Variants in DPYSL3 observed in about 807,000 individuals in gnomAD.
DPYSL3 encodes dihydropyrimidinase-related protein 3.
In DPYSL3, 16 loss-of-function variants were observed where a neutral mutation model predicts 66.1. That is an observed-to-expected ratio of 0.24 (90% CI 0.16 to 0.37). The LOEUF (loss-of-function observed/expected upper bound fraction) is 0.37, where lower values mean the gene tolerates loss of function less well. Ranked by LOEUF, DPYSL3 falls within the 10% of genes least tolerant of loss-of-function variation. The probability of loss-of-function intolerance (pLI) is 1.00; values close to 1 mark genes in which losing one functional copy is unlikely to be tolerated. For synonymous variants in DPYSL3, 338 were observed against 345.1 expected, an observed-to-expected ratio of 0.98 and a Z score of 0.23; for missense variants, 738 against 916.2, an observed-to-expected ratio of 0.81 and a Z score of 2.51.
chr5:147,491,701 C>G (rs1455301025), intron 1 of DPYSL3, among the ~76,000 whole-genome samples: 1 of 151,566 alleles, frequency 6.6e-6, no homozygotes, highest in Non-Finnish European at 1.5e-5. Flanking sequence ...AAAATAATGT[C>G]TGAGCTTGAG....
intron 1 of DPYSL3, among the ~76,000 whole-genome samples, chr5:147,447,225 A>T (rs1198888681): frequency 6.6e-6 from 1 of 152,186 alleles, no homozygotes; most frequent in Non-Finnish European, 1.5e-5. Context: ...CTACAATCTA[A>T]TTAACAGAAG....
intron 8 of DPYSL3, among the ~76,000 whole-genome samples, chr5:147,404,263 G>A (rs1312262712): frequency 2.0e-5 from 3 of 152,170 alleles, no homozygotes; most frequent in Admixed American, 6.5e-5. Context: ...GCAGGCCTAC[G>A]AAGAACAGAG....
In DPYSL3 at chr5:147,486,253, G is replaced by A. The variant is rs561972146; in HGVS notation, c.381+23225C>T. Among the ~76,000 whole-genome samples the A allele has an allele frequency of 1.2e-4, 18 of 152,264 alleles. 1 individual carries two copies. The South Asian group carries it at 2.9e-3, about 25-fold the overall frequency. On this transcript the variant is annotated intron_variant, in intron 1 of 13. Coordinates refer to ENST00000343218, the MANE Select transcript of DPYSL3 (RefSeq NM_001197294.2). ...ATTGTTGTGATAATAGTAAAATATT[G>A]TAAAGGTACTTTATACTTCTGAATT... is the stretch of plus-strand genomic sequence containing the variant.
chr5:147,496,303 A>G (rs999579426), intron 1 of DPYSL3, among the ~76,000 whole-genome samples: 10 of 152,360 alleles, frequency 6.6e-5, no homozygotes, highest in African/African-American at 2.4e-4. Context: ...GCCCTAGAAG[A>G]AAACCTACAC....
At chr5:147,482,321 T>C (rs1012385239) in intron 1 of DPYSL3, among the ~76,000 whole-genome samples, 1 of 152,164 alleles carries the variant, frequency 6.6e-6, no homozygotes, top group Non-Finnish European at 1.5e-5. Flanking sequence ...AGAAGTAAAA[T>C]GATTTGCTCA....
chr5:147,442,772 G>C (rs534370700), intron 1 of DPYSL3, among the ~76,000 whole-genome samples: 2 of 151,514 alleles, frequency 1.3e-5, no homozygotes, highest in East Asian at 3.9e-4. Context: ...GTAATATATT[G>C]TGCAATGAAA....
At chr5:147,467,297 A>C (rs1403900711) in intron 1 of DPYSL3, among the ~76,000 whole-genome samples, 2 of 152,228 alleles carry the variant, frequency 1.3e-5, no homozygotes, top group African/African-American at 2.4e-5. Flanking sequence ...ATGCTGACAC[A>C]AAAAAGGGGA....
intron 12 of DPYSL3, 24 bp downstream of exon 12, chr5:147,397,642 C>T: frequency 6.2e-7 from 1 of 1,606,356 alleles, no homozygotes; most frequent in East Asian, 2.2e-5. Flanking sequence ...TCCTGCACCA[C>T]CTCAGAGCTC....
chr5:147,458,957 A>C (rs1581205556), intron 1 of DPYSL3, among the ~76,000 whole-genome samples: 1 of 150,102 alleles, frequency 6.7e-6, no homozygotes, highest in Admixed American at 6.6e-5. Context: ...AATGGCAGCT[A>C]CTCCTAACAC....
At chr5:147,411,233 T>A (rs933427737) in intron 6 of DPYSL3, among the ~76,000 whole-genome samples, 1 of 152,190 alleles carries the variant, frequency 6.6e-6, no homozygotes, top group Non-Finnish European at 1.5e-5. Flanking sequence ...TGGGCGAAAG[T>A]GCTGTCAGGG....
intron 4 of DPYSL3, among the ~76,000 whole-genome samples, chr5:147,413,985 C>T (rs1751911993): frequency 6.6e-6 from 1 of 152,196 alleles, no homozygotes; most frequent in South Asian, 2.1e-4. Flanking sequence ...TTAAGAATCA[C>T]TCTAGCACAC....
intron 1 of DPYSL3, among the ~76,000 whole-genome samples, chr5:147,458,139 G>A (rs1291669800): frequency 6.6e-6 from 1 of 152,190 alleles, no homozygotes; most frequent in African/African-American, 2.4e-5. Context: ...GCCGAGACCT[G>A]AGACCTACTG....
chr5:147,432,417 G>T (rs1752331648), intron 1 of DPYSL3, among the ~76,000 whole-genome samples: 1 of 152,114 alleles, frequency 6.6e-6, no homozygotes, highest in Non-Finnish European at 1.5e-5. Flanking sequence ...AGAACTTCAT[G>T]TTAACCATTT....
intron 1 of DPYSL3, among the ~76,000 whole-genome samples, chr5:147,505,123 A>G (rs1163729946): frequency 1.3e-5 from 2 of 152,242 alleles, no homozygotes; most frequent in Non-Finnish European, 2.9e-5. Flanking sequence ...TAGTAACATG[A>G]ATGCCTATTA....
chr5:147,413,369 G>A (rs1751895065), intron 5 of DPYSL3, among the ~76,000 whole-genome samples: 2 of 152,210 alleles, frequency 1.3e-5, no homozygotes, highest in South Asian at 4.1e-4. Flanking sequence ...TGCCGTTTAA[G>A]AAAGCTGCTG....
Position 147,509,912 on chromosome 5 carries a change from C to T in DPYSL3, c.-54G>A. ...TTTTCTTCCCCAGAGGCGGAAAGGG[C>T]AGCCGCCGGCAGCGTGCGCCGAGCC... On this transcript the variant is annotated 5_prime_UTR_variant, in exon 1 of 14. Transcript: ENST00000343218. The surrounding 1 kb of genome is among the most constrained non-coding windows in gnomAD (Gnocchi z 5.3). 6.9e-7 allele frequency: 1 copy of T among 1,454,302 alleles called. No individual in the cohort carries two copies. The highest frequency in any genetic ancestry group is 9.0e-7 in the Non-Finnish European group (1 of 1,106,170). The allele number at this position is 1,454,302 out of a possible 1,614,324, so 90.1% of individuals were successfully genotyped here.
intron 1 of DPYSL3, among the ~76,000 whole-genome samples, chr5:147,429,614 C>T (rs1193022305): frequency 1.3e-5 from 2 of 152,054 alleles, no homozygotes; most frequent in Non-Finnish European, 2.9e-5. Flanking sequence ...TTTCTATTTT[C>T]CAAATGGGGA....
intron 8 of DPYSL3, among the ~76,000 whole-genome samples, chr5:147,404,213 T>G (rs143680512): frequency 1.5e-3 from 226 of 152,268 alleles, no homozygotes; most frequent in African/African-American, 5.1e-3. Flanking sequence ...GAGCAACCAC[T>G]CCATGTCAGT....
At chr5:147,496,995 C>T (rs1423948362) in intron 1 of DPYSL3, among the ~76,000 whole-genome samples, 1 of 152,112 alleles carries the variant, frequency 6.6e-6, no homozygotes. Flanking sequence ...GACTTGGAAC[C>T]AACCTAAATG....
Sources: gnomAD v4.1 joint callset for allele counts (sites outside exome capture counted in the v4.1 genomes callset) on GRCh38, gnomAD v4.1.1 for gene constraint, Gnocchi (gnomAD v3.1) non-coding constraint, MANE v1.5 for transcripts, NCBI Gene and HGNC (gene_info 2026-07-23, HGNC 2026-07-21) for gene names.